The following PARP10 variants were observed in gnomAD, a reference collection of about 807,000 sequenced individuals.
PARP10 encodes protein mono-ADP-ribosyltransferase PARP10.
PARP10 carries 56 observed loss-of-function variants against 82.4 expected under a neutral mutation model. The ratio of observed to expected loss-of-function variants is 0.68; its 90% CI spans 0.55 to 0.85. The LOEUF is 0.85. Ranked by LOEUF, PARP10 falls within the 40% of genes least tolerant of loss-of-function variation. The probability of loss-of-function intolerance (pLI) is 0.00; values close to 1 mark genes in which losing one functional copy is unlikely to be tolerated. For synonymous variants in PARP10, 576 were observed against 601.1 expected, an observed-to-expected ratio of 0.96 and a Z score of 0.61; for missense variants, 1,227 against 1,379.4, an observed-to-expected ratio of 0.89 and a Z score of 1.75.
upstream of PARP10, chr8:143,992,501 C>T (rs1315574390): frequency 5.0e-6 from 8 of 1,614,142 alleles, no homozygotes; most frequent in East Asian, 6.7e-5. Flanking sequence ...GGGCGTGCTC[C>T]TGGTGAGCAT....
upstream of PARP10, chr8:143,991,295 G>T (rs200300041): frequency 5.4e-6 from 8 of 1,469,916 alleles, no homozygotes; most frequent in South Asian, 3.9e-5. Flanking sequence ...ATCCGGGGGG[G>T]CCCCAGCCAC....
Position 143,986,176 on chromosome 8 carries a change from A to G in PARP10, c.60T>C (p.Pro20=). 1 of 1,613,860 alleles carries G rather than the reference A, an allele frequency of 6.2e-7. No individual in the cohort carries two copies. Among genetic ancestry groups the G allele is most frequent in the East Asian group, 2.2e-5 (1 of 44,874 alleles). Residue 20 remains proline, a synonymous_variant, in exon 2 of 11, where the codon CCT becomes CCC. Transcript: ENST00000313028. ...GAGTGAGCAGCTCGTCGGGCACGGC[A>G]GGGGGCAGTCCACGGACCTCCACTG... ...GVAVEVRGLP[P]AVPDELLTLY...
chr8:143,999,016 C>CTTCCTTCCTTCT (rs1834181476), intron 1 of PARP10, among the ~76,000 whole-genome samples: 1 of 142,536 alleles, frequency 7.0e-6, no homozygotes, highest in African/African-American at 2.8e-5. Context: ...TCCTTCCTTC[C>CTTCCTTCCTTCT]TTCTTTCTTT....
At chr8:143,979,585 G>A (rs1269113417) in intron 9 of PARP10, among the ~76,000 whole-genome samples, 2 of 152,198 alleles carry the variant, frequency 1.3e-5, no homozygotes, top group Non-Finnish European at 2.9e-5. Flanking sequence ...AATTACAGTT[G>A]CAAAATACCT....
Position 143,977,662 on chromosome 8 carries a change from C to CCCCGCAGAGGGGGCG in PARP10, c.2885_2899dup (p.Ala962_Arg966dup). The CCCCGCAGAGGGGGCG allele has an allele frequency of 6.3e-7, 1 of 1,594,420 alleles. No homozygotes were observed. The highest frequency in any genetic ancestry group is 8.5e-7 in the Non-Finnish European group (1 of 1,171,260). The stretch of plus-strand genomic sequence containing the variant: ...GTAGCGCAGGAGCACGTGGCCAGGA[C>CCCCGCAGAGGGGGCG]CCCGCAGAGGGGGCGCCCGCAGACC... On this transcript the variant is annotated inframe_insertion, in exon 11 of 11. Coordinates refer to ENST00000313028, the MANE Select transcript of PARP10 (RefSeq NM_032789.5).
intron 9 of PARP10, 92 bp downstream of exon 9, chr8:143,982,840 A>T: frequency 6.5e-7 from 1 of 1,543,454 alleles, no homozygotes; most frequent in Non-Finnish European, 8.7e-7. Context: ...ACCTTGATGT[A>T]GGCGAGAGGG....
chr8:144,006,016 G>T (rs1174339962), intron 1 of PARP10, among the ~76,000 whole-genome samples: 1 of 152,212 alleles, frequency 6.6e-6, no homozygotes, highest in East Asian at 1.9e-4. Flanking sequence ...TGACTGAAGA[G>T]TGGGGACCCT....
At position 143,984,006 on chromosome 8, in the gene PARP10, AC is replaced by A; in HGVS notation, c.1777+1del. 1 of 1,514,328 alleles carries A rather than the reference AC, an allele frequency of 6.6e-7. No individual in the cohort carries two copies. 93.8% of individuals were successfully genotyped at this position (1,514,328 alleles called of 1,614,324 possible). On this transcript the variant is annotated splice_donor_variant, in intron 7 of 10. Coordinates refer to ENST00000313028, the MANE Select transcript of PARP10 (RefSeq NM_032789.5). LOFTEE classifies it high-confidence loss of function. Reference sequence around the variant, plus strand: ...GTGCTGAGGGCTCCCAGGGAGCCCTACCCAGGCTCACGTCCTCCTGGTCACC... The same window carrying A: ...GTGCTGAGGGCTCCCAGGGAGCCCTACCAGGCTCACGTCCTCCTGGTCACC...
chr8:143,982,862 A>G, intron 9 of PARP10, 70 bp downstream of exon 9: 1 of 1,580,834 alleles, frequency 6.3e-7, no homozygotes, highest in South Asian at 1.1e-5. Context: ...CAGGCCACAG[A>G]CTTGGCAAGG....
At chr8:143,999,243 C>T (rs1834183424) in intron 1 of PARP10, among the ~76,000 whole-genome samples, 1 of 151,926 alleles carries the variant, frequency 6.6e-6, no homozygotes, top group African/African-American at 2.4e-5. Flanking sequence ...ACTTTGTCGC[C>T]CAGGCTGGAG....
At chr8:143,997,495 A>G (rs1834171841) in intron 1 of PARP10, among the ~76,000 whole-genome samples, 1 of 152,016 alleles carries the variant, frequency 6.6e-6, no homozygotes, top group Non-Finnish European at 1.5e-5. Flanking sequence ...AACACTCTCA[A>G]CTTTGTGCCC....
intron 1 of PARP10, among the ~76,000 whole-genome samples, chr8:144,003,194 G>C (rs555585110): frequency 1.3e-5 from 2 of 151,992 alleles, no homozygotes; most frequent in Admixed American, 1.3e-4. Context: ...AGGCCAAGGC[G>C]GGTGGATCAC....
chr8:143,990,295 G>C (rs1345188628), upstream of PARP10: 1 of 150,002 alleles, frequency 6.7e-6, no homozygotes, highest in Non-Finnish European at 1.5e-5. This position sits in a 1 kb window ranked among gnomAD's most constrained non-coding sequence, Gnocchi z 5.6. Flanking sequence ...TTGCGCATCC[G>C]AGCGTGGCCG....
chr8:143,985,584 G>C lies in PARP10; in HGVS notation c.501C>G (p.Ala167=). The change falls in exon 4 of 11, where the codon GCC becomes GCG. Residue 167 remains alanine, a synonymous_variant. Transcript: ENST00000313028. ...GCACCGCTCGGGCCTGGGGAACCCG[G>C]GCCAGGGACACCAAGGTCCCCTCCA... ...LGLEGTLVSL[A]RVPQARAVRV... is the part of the protein sequence containing the mutation. The C allele has an allele frequency of 8.7e-6, 14 of 1,613,986 alleles. No homozygotes were observed. The highest frequency in any genetic ancestry group is 1.2e-5 in the Non-Finnish European group (14 of 1,179,980).
upstream of PARP10, chr8:143,993,051 G>A (rs573859221): frequency 1.3e-3 from 703 of 559,428 alleles, 3 homozygotes; most frequent in Non-Finnish European, 1.9e-3. Flanking sequence ...TAGTCCTCCC[G>A]CCCCCGCCAA....
At chr8:144,003,731 G>A (rs566968938) in intron 1 of PARP10, among the ~76,000 whole-genome samples, 2 of 152,190 alleles carry the variant, frequency 1.3e-5, no homozygotes, top group East Asian at 3.9e-4. Context: ...AAGAGCAACA[G>A]AAATCTGCAT....
Position 143,999,234 on chromosome 8 carries a change from C to T in PARP10, c.-79-12796G>A, listed in dbSNP as rs561588945. ...TTTTTCTTTTTGAGATGGGGTCTCACTTTGTCGCCCAGGCTGGAGTGCAGT... is the reference window on the plus strand; with the variant it reads ...TTTTTCTTTTTGAGATGGGGTCTCATTTTGTCGCCCAGGCTGGAGTGCAGT... On this transcript the variant is annotated intron_variant, in intron 1 of 3. Coordinates refer to the PARP10 transcript ENST00000530478. Among the ~76,000 whole-genome samples the T allele has an allele frequency of 7.9e-5, 12 of 152,044 alleles. 1 individual carries two copies. In the South Asian group the frequency reaches 2.5e-3, roughly 32 times the overall value.
At position 144,002,567 on chromosome 8, in the gene PARP10, C is replaced by T. The variant is rs1587474964; in HGVS notation, c.-80+9963G>A. ...CAATTAAAACAGTGTGGTATTAATG[C>T]AAGAATAGACCAAAAGAAAAAAAAA... On this transcript the variant is annotated intron_variant, in intron 1 of 3. Transcript: ENST00000530478. Among the ~76,000 whole-genome samples the T allele has an allele frequency of 2.6e-5, 4 of 151,482 alleles. No individual in the cohort carries two copies. In the South Asian group the frequency reaches 8.4e-4, roughly 32 times the overall value.
chr8:144,010,152 C>T (rs1446291055), intron 1 of PARP10, among the ~76,000 whole-genome samples: 2 of 152,230 alleles, frequency 1.3e-5, no homozygotes, highest in African/African-American at 4.8e-5. Flanking sequence ...ATCTGGCCCA[C>T]CTGCTGTACC....
Sources: allele counts gnomAD v4.1 joint callset (sites outside exome capture counted in the v4.1 genomes callset), GRCh38; gene constraint gnomAD v4.1.1; non-coding constraint Gnocchi (gnomAD v3.1); transcripts MANE v1.5; gene names NCBI Gene and HGNC (gene_info 2026-07-23, HGNC 2026-07-21).